Variants in CELF1 observed in about 807,000 individuals in gnomAD.
The protein encoded by CELF1 is 50 kDa nuclear polyadenylated RNA-binding protein.
CELF1 carries 10 observed loss-of-function variants against 61.8 expected under a neutral mutation model. The observed-to-expected ratio is 0.16, with a 90% CI of 0.10 to 0.27. The LOEUF is 0.27. Among genes scored for constraint, CELF1 ranks in the 10% least tolerant of loss-of-function variants. The pLI, the probability that CELF1 is intolerant of heterozygous loss-of-function variation, is 1.00. For synonymous variants in CELF1, 236 were observed against 225.1 expected, an observed-to-expected ratio of 1.05 and a Z score of -0.43; for missense variants, 380 against 639.1, an observed-to-expected ratio of 0.59 and a Z score of 4.37.
Position 47,560,495 on chromosome 11 carries a change from T to C in CELF1, c.-11+3856A>G, listed in dbSNP as rs1441230455. Among the ~76,000 whole-genome samples, 4 of 152,320 alleles carry C rather than the reference T, an allele frequency of 2.6e-5. No homozygotes were observed. The East Asian group carries it at 7.7e-4, about 29-fold the overall frequency. The stretch of plus-strand genomic sequence containing the variant: ...TACATGAATATACAAAGACCACATG[T>C]TGTATGAATCCATGTATATGAAATG... On this transcript the variant is annotated intron_variant, in intron 2 of 3. Transcript: ENST00000525841.
At chr11:47,495,160 G>C (rs2092826917) in intron 3 of CELF1, among the ~76,000 whole-genome samples, 1 of 152,202 alleles carries the variant, frequency 6.6e-6, no homozygotes, top group Non-Finnish European at 1.5e-5. Context: ...GTCAGAAGTG[G>C]AAAAGTTGCA....
chr11:47,475,246 T>G, intron 13 of CELF1, 90 bp downstream of exon 13: 4 of 1,212,716 alleles, frequency 3.3e-6, no homozygotes, highest in Admixed American at 1.8e-5. Context: ...ACGACCTAAC[T>G]GGTTCCCTCA....
chr11:47,541,675 G>A (rs1479629868), intron 1 of CELF1, among the ~76,000 whole-genome samples: 2 of 129,380 alleles, frequency 1.5e-5, no homozygotes, highest in African/African-American at 6.7e-5. Flanking sequence ...CTGGTGACAG[G>A]GCGAGACTGT....
At chr11:47,477,938 CCAGA>C (rs1300656153) in intron 10 of CELF1, among the ~76,000 whole-genome samples, 1 of 152,124 alleles carries the variant, frequency 6.6e-6, no homozygotes, top group African/African-American at 2.4e-5. Flanking sequence ...AGATTCATCA[CCAGA>C]AAGAGGAGAG....
chr11:47,543,184 G>C (rs912862832), intron 1 of CELF1, among the ~76,000 whole-genome samples: 5 of 152,132 alleles, frequency 3.3e-5, no homozygotes, highest in African/African-American at 1.2e-4. Flanking sequence ...CAGGAGGATT[G>C]CTAGAGACCA....
intron 1 of CELF1, among the ~76,000 whole-genome samples, chr11:47,501,503 C>G (rs2093895285): frequency 6.6e-6 from 1 of 152,142 alleles, no homozygotes; most frequent in African/African-American, 2.4e-5. Context: ...AAAAGACATT[C>G]CAGGCTTTAA....
rs141196966 is a variant in CELF1 at position 47,543,182 on chromosome 11, T to C, written c.-154+9810A>G. Among the ~76,000 whole-genome samples, 1,257 of 152,200 alleles carry C rather than the reference T, an allele frequency of 8.3e-3. 16 individuals are homozygous for C. Among genetic ancestry groups the C allele is most frequent in the African/African-American group, 0.028 (1,162 of 41,536 alleles). Reference sequence around the variant, plus strand: ...ACTTTGGGAGGCCGAGGCAGGAGGATTGCTAGAGACCAGGGGGTCAAGACC... The same window carrying C: ...ACTTTGGGAGGCCGAGGCAGGAGGACTGCTAGAGACCAGGGGGTCAAGACC... On this transcript the variant is annotated intron_variant, in intron 1 of 14. Coordinates refer to ENST00000687097, the MANE Select transcript of CELF1 (RefSeq NM_001376376.1).
intron 2 of CELF1, among the ~76,000 whole-genome samples, chr11:47,560,282 C>A (rs1239113410): frequency 6.6e-6 from 1 of 151,768 alleles, no homozygotes; most frequent in African/African-American, 2.4e-5. Context: ...GGGAGTGAGA[C>A]CGTCTCAATA....
At chr11:47,492,307 C>T (rs1369644817) in intron 3 of CELF1, among the ~76,000 whole-genome samples, 1 of 152,128 alleles carries the variant, frequency 6.6e-6, no homozygotes, top group Non-Finnish European at 1.5e-5. Context: ...TTTCAGATGG[C>T]ATCATTTTAC....
At chr11:47,535,111 G>C (rs532737245) in intron 1 of CELF1, among the ~76,000 whole-genome samples, 1 of 152,212 alleles carries the variant, frequency 6.6e-6, no homozygotes. Flanking sequence ...AACAGCACTT[G>C]ATTTCACAGT....
intron 4 of CELF1, 144 bp from the exon 5 acceptor site, chr11:47,487,385 G>A (rs1272901594): frequency 1.8e-5 from 11 of 604,296 alleles, no homozygotes; most frequent in South Asian, 3.9e-5. Flanking sequence ...GGAAAAGAAC[G>A]AATAGAATAT....
At chr11:47,523,905 A>C (rs946114316) in intron 1 of CELF1, 1 of 152,216 alleles carries the variant, frequency 6.6e-6, no homozygotes, top group African/African-American at 2.4e-5. Context: ...TATCCTTTTA[A>C]AATACAGTAA....
Position 47,486,820 on chromosome 11 carries a change from A to G in CELF1, c.343-22T>C, listed in dbSNP as rs766334677. 9.0e-6 allele frequency: 14 copies of G among 1,560,892 alleles called. 1 individual carries two copies. Among genetic ancestry groups the G allele is most frequent in the Middle Eastern group, 1.7e-4 (1 of 5,964 alleles). On this transcript the variant is annotated intron_variant, in intron 5 of 14. Transcript: ENST00000687097. The stretch of plus-strand genomic sequence containing the variant: ...GCATCTGAAAAGGAAAAATATGATT[A>G]TTATCACTGTATATATTGATGGTAT...
In CELF1 at chr11:47,494,389, A is replaced by G. The variant is rs550150511; in HGVS notation, c.71+5064T>C. 1.3e-4 allele frequency: 131 copies of G among 984,452 alleles called. No individual in the cohort carries two copies. In the Middle Eastern group the frequency reaches 1.6e-3, roughly 12 times the overall value. The allele number at this position is 984,452 out of a possible 1,614,324, so 61.0% of individuals were successfully genotyped here. ...CTGCCATTATTAAGAATGAGCAACT[A>G]TGAAAATTCAGGACAAGAGGTTACT... On this transcript the variant is annotated intron_variant, in intron 3 of 14. Transcript: ENST00000687097.
At chr11:47,535,301 C>G (rs1236409594) in intron 1 of CELF1, among the ~76,000 whole-genome samples, 1 of 149,816 alleles carries the variant, frequency 6.7e-6, no homozygotes, top group Non-Finnish European at 1.5e-5. Flanking sequence ...ATTCACAAAC[C>G]AAAAGAAAAA....
At chr11:47,516,582 T>A (rs74445441) in intron 1 of CELF1, among the ~76,000 whole-genome samples, 3,215 of 151,958 alleles carry the variant, frequency 0.021, 44 homozygotes, top group Non-Finnish European at 0.033. Context: ...GGCCTCCCCA[T>A]CTCCATTAAT....
At chr11:47,494,447 T>C (rs1314738314) in intron 3 of CELF1, 4 of 982,682 alleles carry the variant, frequency 4.1e-6, no homozygotes, top group Non-Finnish European at 4.8e-6. Flanking sequence ...AAACATACTA[T>C]GAGAAAATAC....
upstream of CELF1, among the ~76,000 whole-genome samples, chr11:47,555,171 G>A (rs2097202236): frequency 1.3e-5 from 2 of 152,134 alleles, no homozygotes; most frequent in African/African-American, 4.8e-5. Flanking sequence ...GCCAGATATG[G>A]AAAACAAAAT....
At chr11:47,542,943 G>C (rs144494917) in intron 1 of CELF1, among the ~76,000 whole-genome samples, 5 of 152,180 alleles carry the variant, frequency 3.3e-5, no homozygotes, top group Non-Finnish European at 5.9e-5. Flanking sequence ...GACTAGGAGA[G>C]ATCCCGTCTC....
Sources: allele counts gnomAD v4.1 joint callset (sites outside exome capture counted in the v4.1 genomes callset), GRCh38; gene constraint gnomAD v4.1.1; transcripts MANE v1.5; gene names NCBI Gene and HGNC (gene_info 2026-07-23, HGNC 2026-07-21).